Variants in GAL3ST2 observed in about 807,000 individuals in gnomAD.
The protein encoded by GAL3ST2 is beta-galactose-3-O-sulfotransferase 2.
In GAL3ST2, 16 loss-of-function variants were observed where a neutral mutation model predicts 12.9. That is an observed-to-expected ratio of 1.24 (90% CI 0.84 to 1.88). The LOEUF (loss-of-function observed/expected upper bound fraction) is 1.88. GAL3ST2 is among the 40% of genes most tolerant of loss of function. GAL3ST2 has a pLI of 0.00. For missense variants in GAL3ST2, 639 were observed against 571.8 expected (o/e 1.12, Z -1.20); for synonymous variants, 302 against 273.9 (o/e 1.10, Z -1.01).
rs1182067926 is a variant in GAL3ST2, at chr2:241,803,491, G to A, written c.522G>A (p.Pro174=). Residue 174 remains proline, a synonymous_variant, in exon 4 of 4, where the codon CCG becomes CCA. Transcript: ENST00000192314. ...APSLDAFLAS[P]RTFYNDSRHL... The stretch of plus-strand genomic sequence containing the variant: ...GCCTGGACGCGTTCCTGGCCTCGCC[G>A]CGGACGTTCTACAACGACAGCCGCC... 2.5e-6 allele frequency: 4 copies of A among 1,611,546 alleles called. No homozygotes were observed. The highest frequency in any genetic ancestry group is 1.1e-5 in the South Asian group (1 of 90,774).
At chr2:241,788,522 T>C (rs62193061) in intron 1 of GAL3ST2, among the ~76,000 whole-genome samples, 38,518 of 151,892 alleles carry the variant, frequency 0.25, 6,321 homozygotes, top group African/African-American at 0.47. Context: ...TGTGCATTTG[T>C]GCGAGGAACT....
rs1355767004 is a variant in GAL3ST2, at chr2:241,802,846, C to T, written c.376-499C>T. Among the ~76,000 whole-genome samples, 1 of 152,100 alleles carries T rather than the reference C, an allele frequency of 6.6e-6. No homozygotes were observed. Among genetic ancestry groups the T allele is most frequent in the African/African-American group, 2.4e-5 (1 of 41,412 alleles). ...CAAGCGAGGGTGAGTCCAGACCCACCCTGTGGGGAACCTGGGTCACGGACC... is the reference window on the plus strand; with the variant it reads ...CAAGCGAGGGTGAGTCCAGACCCACTCTGTGGGGAACCTGGGTCACGGACC... On this transcript the variant is annotated intron_variant, in intron 3 of 3. Transcript: ENST00000192314. The surrounding 1 kb of genome is among the most constrained non-coding windows in gnomAD (Gnocchi z 4.8).
rs974934360 is a variant in GAL3ST2, at chr2:241,800,984, C to T, written c.120-797C>T. On this transcript the variant is annotated intron_variant, in intron 2 of 3. Transcript: ENST00000192314. This position sits in a 1 kb window ranked among gnomAD's most constrained non-coding sequence, Gnocchi z 5.2. ...AATTTACTTTAAGTTCTGGGACACA[C>T]GTGCAGAACGTGCAGGTTTGTTACA... The T allele has an allele frequency of 3.3e-5, 5 of 152,140 alleles. No individual in the cohort carries two copies. Among genetic ancestry groups the T allele is most frequent in the Admixed American group, 6.6e-5 (1 of 15,264 alleles). 9.4% of individuals were successfully genotyped at this position (152,140 alleles called of 1,614,324 possible).
intron 1 of GAL3ST2, among the ~76,000 whole-genome samples, chr2:241,786,429 A>G (rs774874650): frequency 3.3e-5 from 5 of 152,142 alleles, no homozygotes; most frequent in African/African-American, 4.8e-5. Flanking sequence ...CAGAACCCCA[A>G]TTCGGCTACT....
intron 1 of GAL3ST2, among the ~76,000 whole-genome samples, chr2:241,788,291 T>A (rs1322201333): frequency 6.6e-6 from 1 of 152,176 alleles, no homozygotes; most frequent in Non-Finnish European, 1.5e-5. Flanking sequence ...GACCTTGCAC[T>A]GTGAGAGGAT....
At chr2:241,777,464 C>T (rs1699502327) in intron 1 of GAL3ST2, among the ~76,000 whole-genome samples, 1 of 152,230 alleles carries the variant, frequency 6.6e-6, no homozygotes, top group Non-Finnish European at 1.5e-5. Context: ...TGTGCTGTCT[C>T]CCTTCTGTAA....
chr2:241,779,294 A>C (rs1428123888), intron 1 of GAL3ST2, among the ~76,000 whole-genome samples: 5 of 118,072 alleles, frequency 4.2e-5, no homozygotes, highest in African/African-American at 6.6e-5. Context: ...AGTGCAGTGG[A>C]GCGATCTCGG....
chr2:241,777,775 T>C (rs1257879681), intron 1 of GAL3ST2, among the ~76,000 whole-genome samples: 1 of 152,052 alleles, frequency 6.6e-6, no homozygotes. Context: ...AGATGCCCCC[T>C]CCTGTGGACA....
At chr2:241,789,052 A>G (rs1391785820) in intron 1 of GAL3ST2, among the ~76,000 whole-genome samples, 1 of 152,232 alleles carries the variant, frequency 6.6e-6, no homozygotes, top group African/African-American at 2.4e-5. Context: ...TGGAAGTAAG[A>G]CAGTCTTTGT....
chr2:241,791,081 C>A (rs1241828174), intron 1 of GAL3ST2, among the ~76,000 whole-genome samples: 1 of 152,208 alleles, frequency 6.6e-6, no homozygotes, highest in African/African-American at 2.4e-5. Flanking sequence ...TGTCTCATGT[C>A]TCCCTAAAAA....
chr2:241,803,550 G>A lies in GAL3ST2; in HGVS notation c.581G>A (p.Trp194Ter). 19 of 1,607,992 alleles carry A rather than the reference G, an allele frequency of 1.2e-5. No homozygotes were observed. The highest frequency in any genetic ancestry group is 1.5e-5 in the Non-Finnish European group (18 of 1,177,406). The part of the protein sequence containing the change: ...LRNVYAKNNM[W>*]FDFGFDPNAQ... Reference sequence around the variant, plus strand: ...AACGTCTACGCCAAGAACAACATGTGGTTCGACTTCGGCTTCGACCCCAAC... The same window carrying A: ...AACGTCTACGCCAAGAACAACATGTAGTTCGACTTCGGCTTCGACCCCAAC... Residue 194 changes from tryptophan (W) to a stop codon, truncating the protein, a stop_gained, in exon 4 of 4, where the codon TGG (tryptophan) becomes TAG (stop). Coordinates refer to ENST00000192314, the MANE Select transcript of GAL3ST2 (RefSeq NM_022134.3). LOFTEE classifies it low-confidence loss of function (END_TRUNC).
At chr2:241,794,753 T>C (rs1699750203) in intron 1 of GAL3ST2, among the ~76,000 whole-genome samples, 1 of 152,168 alleles carries the variant, frequency 6.6e-6, no homozygotes, top group Non-Finnish European at 1.5e-5. Flanking sequence ...AAGGCAGCTT[T>C]AGCTTGAGGG....
intron 1 of GAL3ST2, among the ~76,000 whole-genome samples, chr2:241,777,521 G>A (rs1286587730): frequency 1.3e-5 from 2 of 152,204 alleles, no homozygotes; most frequent in Non-Finnish European, 2.9e-5. Flanking sequence ...GAGGGGTGGT[G>A]GGTGTGGCTA....
At position 241,803,570 on chromosome 2, in the gene GAL3ST2, C is replaced by G. The variant is rs747129523; in HGVS notation, c.601C>G (p.Pro201Ala). 2.5e-6 allele frequency: 4 copies of G among 1,597,716 alleles called. No individual in the cohort carries two copies. Among genetic ancestry groups the G allele is most frequent in the Non-Finnish European group, 3.4e-6 (4 of 1,171,834 alleles). The change falls in exon 4 of 4, where the codon CCC becomes GCC. Residue 201 changes from proline to alanine, a missense_variant. Transcript: ENST00000192314. ...CATGTGGTTCGACTTCGGCTTCGAC[C>G]CCAACGCGCAGTGCGAGGAGGGCTA... ...NNMWFDFGFD[P>A]NAQCEEGYVR... is the part of the protein sequence containing the mutation.
At chr2:241,780,790 C>T (rs1362116201) in intron 1 of GAL3ST2, among the ~76,000 whole-genome samples, 1 of 152,182 alleles carries the variant, frequency 6.6e-6, no homozygotes, top group Non-Finnish European at 1.5e-5. Flanking sequence ...TTGGGTGATC[C>T]TCTCCTCTTG....
rs1236747715 is a variant in GAL3ST2 at position 241,803,707 on chromosome 2, C to T, written c.738C>T (p.Asp246=). The T allele has an allele frequency of 6.5e-7, 1 of 1,544,592 alleles. No homozygotes were observed. The highest frequency in any genetic ancestry group is 2.0e-5 in the Admixed American group (1 of 50,672). Residue 246 remains aspartate, a synonymous_variant, in exon 4 of 4, where the codon GAC becomes GAT. Coordinates refer to ENST00000192314, the MANE Select transcript of GAL3ST2 (RefSeq NM_022134.3). ...GGCGCCGGCTGCGCTGGGCGCTGGA[C>T]GACGTGGTGGCCTTCAGGCTCAACT... The part of the protein sequence containing the change: ...LLRRRLRWAL[D]DVVAFRLNSR...
intron 1 of GAL3ST2, among the ~76,000 whole-genome samples, chr2:241,791,644 G>A (rs1699694763): frequency 6.6e-6 from 1 of 152,134 alleles, no homozygotes; most frequent in African/African-American, 2.4e-5. Context: ...CTTTAAAAAA[G>A]TCTTATCTGA....
At chr2:241,790,527 A>G (rs937193695) in intron 1 of GAL3ST2, among the ~76,000 whole-genome samples, 28 of 152,170 alleles carry the variant, frequency 1.8e-4, no homozygotes, top group African/African-American at 6.8e-4. Flanking sequence ...ATTCCTATCT[A>G]AGAGGTCTGG....
Position 241,803,511 on chromosome 2 carries a change from GCCGCCA to G in GAL3ST2, c.545_550del (p.Arg182_His183del). ...TCGCCGCGGACGTTCTACAACGACA[GCCGCCA>G]CCTCAGGAACGTCTACGCCAAGAAC... On this transcript the variant is annotated inframe_deletion, in exon 4 of 4. Coordinates refer to ENST00000192314, the MANE Select transcript of GAL3ST2 (RefSeq NM_022134.3). 11 of 1,611,584 alleles carry G rather than the reference GCCGCCA, an allele frequency of 6.8e-6. No individual in the cohort carries two copies. The highest frequency in any genetic ancestry group is 9.3e-6 in the Non-Finnish European group (11 of 1,179,316).
Sources: gnomAD v4.1 joint callset for allele counts (sites outside exome capture counted in the v4.1 genomes callset) on GRCh38, gnomAD v4.1.1 for gene constraint, Gnocchi (gnomAD v3.1) non-coding constraint, MANE v1.5 for transcripts, NCBI Gene and HGNC (gene_info 2026-07-23, HGNC 2026-07-21) for gene names.